FRMPD4: variants seen among roughly 807,000 people sequenced by gnomAD.
The protein encoded by FRMPD4 is FERM and PDZ domain-containing protein 4.
In FRMPD4, 22 loss-of-function variants were observed where a neutral mutation model predicts 94.1. The ratio of observed to expected loss-of-function variants is 0.23; its 90% confidence interval spans 0.17 to 0.33. FRMPD4 has a LOEUF of 0.33. Among genes scored for constraint, FRMPD4 ranks in the 10% least tolerant of loss-of-function variants. The pLI is 1.00. For missense variants in FRMPD4, 1,111 were observed against 1,339.9 expected, an observed-to-expected ratio of 0.83 and a Z score of 2.67; for synonymous variants, 631 against 548.6, an observed-to-expected ratio of 1.15 and a Z score of -2.10.
At chrX:12,084,278 C>T (rs1050509644) in intron 3 of FRMPD4, among the ~76,000 whole-genome samples, 7 of 109,802 alleles carry the variant, frequency 6.4e-5, no homozygotes, top group African/African-American at 1.3e-4. Context: ...CAGGGGTTTC[C>T]GCTTTTGCTT....
intron 1 of FRMPD4, among the ~76,000 whole-genome samples, chrX:12,387,150 T>C (rs2056407694): frequency 8.9e-6 from 1 of 112,334 alleles, no homozygotes; most frequent in South Asian, 3.7e-4. Context: ...ATCCTTTCTT[T>C]GTCTCTGAGT....
chrX:12,559,094 A>G (rs779201350), intron 2 of FRMPD4, among the ~76,000 whole-genome samples: 1 of 112,325 alleles, frequency 8.9e-6, no homozygotes, highest in East Asian at 2.8e-4. Context: ...AGCACAGAAA[A>G]TTGATTTGGG....
rs928241411 is a variant in FRMPD4, at chrX:12,694,321, G to T, written c.814-14G>T. 1 of 1,194,771 alleles carries T rather than the reference G, an allele frequency of 8.4e-7. No individual in the cohort carries two copies. The highest frequency in any genetic ancestry group is 1.8e-5 in the African/African-American group (1 of 56,923). On this transcript the variant is annotated splice_polypyrimidine_tract_variant and intron_variant, in intron 8 of 16. Coordinates refer to ENST00000675598, the MANE Select transcript of FRMPD4 (RefSeq NM_001368397.1). ...GCACTGAAGGGTTCTTGTGTGATTG[G>T]TCTACTCTTCCAGGTGACACAGAGG...
chrX:12,510,043 T>C (rs888864154), intron 2 of FRMPD4, among the ~76,000 whole-genome samples: 1 of 112,059 alleles, frequency 8.9e-6, no homozygotes, highest in Non-Finnish European at 1.9e-5. Flanking sequence ...ACTTTTCTCA[T>C]TATACAACAA....
chrX:12,564,135 C>T (rs1218281657), intron 2 of FRMPD4, among the ~76,000 whole-genome samples: 1 of 111,625 alleles, frequency 9.0e-6, no homozygotes, highest in African/African-American at 3.3e-5. Context: ...CATGTCTCTT[C>T]TTATGTGGGC....
rs980972358 is a variant in FRMPD4 at position 12,635,449 on chromosome X, C to T, written c.422+20568C>T. Among the ~76,000 whole-genome samples the T allele has an allele frequency of 4.5e-5, 5 of 110,904 alleles. No individual in the cohort carries two copies. The Admixed American group carries it at 4.8e-4, about 11-fold the overall frequency. On this transcript the variant is annotated intron_variant, in intron 4 of 16. Transcript: ENST00000675598. Reference sequence around the variant, plus strand: ...AGAATTTACAGAAGCTCTAGGTTTGCGTGCTACCAGCCTAACAACTCGAGG... The same window carrying T: ...AGAATTTACAGAAGCTCTAGGTTTGTGTGCTACCAGCCTAACAACTCGAGG...
intron 2 of FRMPD4, among the ~76,000 whole-genome samples, chrX:12,570,571 T>C (rs2058752353): frequency 8.9e-6 from 1 of 111,828 alleles, no homozygotes; most frequent in Non-Finnish European, 1.9e-5. Flanking sequence ...CCCAAAGTGC[T>C]AGGACTAAAG....
chrX:12,356,370 A>G (rs1471689333), intron 1 of FRMPD4, among the ~76,000 whole-genome samples: 1 of 112,405 alleles, frequency 8.9e-6, no homozygotes, highest in Non-Finnish European at 1.9e-5. Context: ...GATTCTTGGC[A>G]TCAGAGTCAT....
intron 3 of FRMPD4, 84 bp downstream of exon 3, chrX:12,609,965 TC>T: frequency 1.1e-6 from 1 of 916,206 alleles, no homozygotes; most frequent in Non-Finnish European, 1.5e-6. Flanking sequence ...TTCATAAGTG[TC>T]CAGGCTGTGA....
At chrX:12,493,623 G>C (rs932591293) in intron 1 of FRMPD4, among the ~76,000 whole-genome samples, 2 of 111,992 alleles carry the variant, frequency 1.8e-5, no homozygotes, top group African/African-American at 6.5e-5. Context: ...AAGTAATATG[G>C]AGTTTGGAGT....
intron 4 of FRMPD4, among the ~76,000 whole-genome samples, chrX:12,671,535 T>C (rs1248055367): frequency 9.1e-6 from 1 of 109,960 alleles, no homozygotes; most frequent in East Asian, 2.8e-4. Context: ...AGTTGAATAA[T>C]GAGAACACAT....
intron 1 of FRMPD4, among the ~76,000 whole-genome samples, chrX:12,351,387 A>G (rs936820965): frequency 1.2e-4 from 13 of 110,962 alleles, no homozygotes; most frequent in African/African-American, 2.6e-4. Context: ...TCAGCAGCCT[A>G]TAGATAAACA....
intron 3 of FRMPD4, among the ~76,000 whole-genome samples, chrX:11,974,299 G>C (rs1295298857): frequency 1.8e-5 from 2 of 110,644 alleles, no homozygotes; most frequent in African/African-American, 6.6e-5. Flanking sequence ...TAGTTCCCGT[G>C]AGAGCTGGTT....
At chrX:12,618,878 T>C (rs779337590) in intron 4 of FRMPD4, among the ~76,000 whole-genome samples, 11 of 111,874 alleles carry the variant, frequency 9.8e-5, no homozygotes, top group African/African-American at 3.6e-4. Flanking sequence ...TTTGACTCCC[T>C]AAAGTTAGTC....
intron 2 of FRMPD4, among the ~76,000 whole-genome samples, chrX:11,873,204 T>C (rs1450818400): frequency 9.0e-6 from 1 of 111,224 alleles, no homozygotes; most frequent in Admixed American, 9.6e-5. Context: ...TCCACTCTAA[T>C]AATTTCTATT....
chrX:12,665,742 A>C (rs2059769624), intron 4 of FRMPD4, among the ~76,000 whole-genome samples: 2 of 111,993 alleles, frequency 1.8e-5, no homozygotes, highest in African/African-American at 6.5e-5. Context: ...TTTTGTCACC[A>C]CCAAGCCTGC....
intron 1 of FRMPD4, among the ~76,000 whole-genome samples, chrX:11,863,402 T>A (rs1372911293): frequency 9.0e-6 from 1 of 111,548 alleles, no homozygotes; most frequent in Non-Finnish European, 1.9e-5. Context: ...GTGCCACATT[T>A]TTTTGAAGCT....
intron 1 of FRMPD4, among the ~76,000 whole-genome samples, chrX:12,316,279 T>C (rs1024824849): frequency 8.1e-5 from 9 of 110,678 alleles, no homozygotes. Flanking sequence ...CCCGAGTAGC[T>C]GGGATTACAG....
chrX:12,417,057 G>A (rs953822887), intron 1 of FRMPD4, among the ~76,000 whole-genome samples: 3 of 111,023 alleles, frequency 2.7e-5, no homozygotes, highest in Non-Finnish European at 5.7e-5. Flanking sequence ...CCGGGAGGGC[G>A]TGTCTGACTC....
Sources: allele counts gnomAD v4.1 joint callset (sites outside exome capture counted in the v4.1 genomes callset), GRCh38; gene constraint gnomAD v4.1.1; transcripts MANE v1.5; gene names NCBI Gene and HGNC (gene_info 2026-07-23, HGNC 2026-07-21).